The following SLC39A11 variants were observed in gnomAD, a reference collection of about 807,000 sequenced individuals.
SLC39A11 encodes the protein zinc transporter ZIP11.
In SLC39A11, 33 loss-of-function variants were observed where a neutral mutation model predicts 36.1. That is an observed-to-expected ratio of 0.91 (90% CI 0.69 to 1.22). SLC39A11 has a LOEUF of 1.22. Among genes scored for constraint, SLC39A11 ranks in the 50% most tolerant of loss-of-function variants. SLC39A11 has a pLI of 0.00. For missense variants in SLC39A11, 432 were observed against 430.3 expected, an observed-to-expected ratio of 1.00 and a Z score of -0.03; for synonymous variants, 166 against 170.3, an observed-to-expected ratio of 0.97 and a Z score of 0.20.
intron 4 of SLC39A11, among the ~76,000 whole-genome samples, chr17:73,027,940 T>G (rs2148650066): frequency 6.6e-6 from 1 of 152,124 alleles, no homozygotes; most frequent in African/African-American, 2.4e-5. Context: ...CCCAACAAAC[T>G]CCAAGCAGAC....
intron 5 of SLC39A11, among the ~76,000 whole-genome samples, chr17:72,943,028 A>G (rs1423268723): frequency 3.9e-5 from 6 of 152,158 alleles, no homozygotes; most frequent in African/African-American, 1.4e-4. Context: ...CACCTAAGGG[A>G]GGATGTTTAA....
intron 5 of SLC39A11, among the ~76,000 whole-genome samples, chr17:72,856,566 C>A (rs1466131017): frequency 2.0e-5 from 3 of 152,116 alleles, no homozygotes; most frequent in Non-Finnish European, 2.9e-5. Flanking sequence ...TTTTGAGATT[C>A]CTCAAGACAT....
At chr17:72,811,202 A>G (rs962679673) in intron 6 of SLC39A11, among the ~76,000 whole-genome samples, 48 of 152,166 alleles carry the variant, frequency 3.2e-4, no homozygotes, top group Non-Finnish European at 5.7e-4. Flanking sequence ...ATTGTCTGGG[A>G]GGGTGCATTT....
chr17:72,773,940 G>A (rs1250548755), intron 6 of SLC39A11, among the ~76,000 whole-genome samples: 1 of 152,172 alleles, frequency 6.6e-6, no homozygotes, highest in African/African-American at 2.4e-5. Context: ...AGCCTGGACT[G>A]GGAAGCATCT....
At chr17:73,041,664 C>T (rs910085379) in intron 3 of SLC39A11, among the ~76,000 whole-genome samples, 1 of 152,322 alleles carries the variant, frequency 6.6e-6, no homozygotes, top group South Asian at 2.1e-4. Flanking sequence ...AAATCCAATG[C>T]GAGTAAAGAA....
At chr17:72,861,650 C>A (rs2079994989) in intron 5 of SLC39A11, among the ~76,000 whole-genome samples, 1 of 51,566 alleles carries the variant, frequency 1.9e-5, no homozygotes, top group South Asian at 7.9e-4. Flanking sequence ...CATCTATATA[C>A]AACACATTAT....
At chr17:72,994,586 T>C (rs1368900926) in intron 4 of SLC39A11, among the ~76,000 whole-genome samples, 1 of 152,232 alleles carries the variant, frequency 6.6e-6, no homozygotes, top group African/African-American at 2.4e-5. Flanking sequence ...TAAAGTTTTT[T>C]ACGTGTATCA....
In SLC39A11 at chr17:72,947,755, T is replaced by C; in HGVS notation, c.427A>G (p.Ile143Val). Reference sequence around the variant, plus strand: ...CCTGAAAGAAGCCCAGCTCTACCTATCCGGATGGAAAGTTCACTCTCAGGG... The same window carrying C: ...CCTGAAAGAAGCCCAGCTCTACCTACCCGGATGGAAAGTTCACTCTCAGGG... ...LFPESELSIR[I>V]DKSENGEAYQ... The change falls in exon 5 of 10, where the codon ATA becomes GTA. Residue 143 changes from isoleucine to valine, a missense_variant. Ile to Val is a conservative substitution (Grantham distance 29). Transcript: ENST00000255559. The C allele has an allele frequency of 6.2e-7, 1 of 1,613,976 alleles. No homozygotes were observed. Among genetic ancestry groups the C allele is most frequent in the Non-Finnish European group, 8.5e-7 (1 of 1,180,028 alleles).
intron 3 of SLC39A11, among the ~76,000 whole-genome samples, chr17:73,057,223 C>T (rs1435438893): frequency 1.3e-5 from 2 of 152,206 alleles, no homozygotes; most frequent in African/African-American, 4.8e-5. Flanking sequence ...GCCTTGTCCT[C>T]CCAAAGTGCT....
At chr17:72,723,321 AGT>A (rs10570164) in intron 7 of SLC39A11, among the ~76,000 whole-genome samples, 98,643 of 148,362 alleles carry the variant, frequency 0.66, 32,809 homozygotes, top group East Asian at 0.91. Flanking sequence ...GGAGTGTAAG[AGT>A]GTGTGTGTGT....
intron 6 of SLC39A11, among the ~76,000 whole-genome samples, chr17:72,764,055 G>A (rs969904188): frequency 2.6e-5 from 4 of 152,114 alleles, no homozygotes; most frequent in African/African-American, 9.7e-5. Context: ...TCTAGTGCCT[G>A]ATTTCCTGTG....
At chr17:72,997,584 T>G (rs1200508104) in intron 4 of SLC39A11, among the ~76,000 whole-genome samples, 1 of 152,206 alleles carries the variant, frequency 6.6e-6, no homozygotes, top group Non-Finnish European at 1.5e-5. Context: ...TGGTTTTGCT[T>G]TCCACATTCC....
chr17:72,924,655 G>A (rs1317176236), intron 5 of SLC39A11, among the ~76,000 whole-genome samples: 8 of 152,054 alleles, frequency 5.3e-5, no homozygotes, highest in African/African-American at 1.9e-4. Flanking sequence ...TACTTTTTCA[G>A]GTGTGTCCGA....
At chr17:72,651,579 G>A (rs1274236126) in intron 7 of SLC39A11, among the ~76,000 whole-genome samples, 1 of 152,180 alleles carries the variant, frequency 6.6e-6, no homozygotes, top group Non-Finnish European at 1.5e-5. Context: ...TGGCAGGGAT[G>A]GTCCCCCTAG....
At chr17:72,911,546 G>A (rs908318757) in intron 5 of SLC39A11, among the ~76,000 whole-genome samples, 1 of 151,934 alleles carries the variant, frequency 6.6e-6, no homozygotes, top group African/African-American at 2.4e-5. Context: ...CCCTTTTCCT[G>A]TCAGCCTCCT....
chr17:72,904,752 GT>G (rs949144926), intron 5 of SLC39A11, among the ~76,000 whole-genome samples: 1 of 152,206 alleles, frequency 6.6e-6, no homozygotes, highest in African/African-American at 2.4e-5. Flanking sequence ...GAAAAGCCTT[GT>G]GATATAAGTG....
chr17:72,932,310 A>ATTATTATTATTATTATTATTATTAT (rs199790501), intron 5 of SLC39A11, among the ~76,000 whole-genome samples: 6 of 144,740 alleles, frequency 4.1e-5, no homozygotes, highest in African/African-American at 1.2e-4. Flanking sequence ...TATTATTATT[A>ATTATTATTATTATTATTATTATTAT]TACTTTAAGT....
chr17:72,967,499 C>T (rs2087101009), intron 4 of SLC39A11, among the ~76,000 whole-genome samples: 1 of 151,880 alleles, frequency 6.6e-6, no homozygotes, highest in South Asian at 2.1e-4. Flanking sequence ...AGTGCCCGCC[C>T]AGGAAGCAGG....
chr17:72,894,759 A>G lies in SLC39A11; in HGVS notation c.431-44955T>C, dbSNP rs372852326. Among the ~76,000 whole-genome samples, 112 of 152,274 alleles carry G rather than the reference A, an allele frequency of 7.4e-4. 4 individuals carry two copies. In the South Asian group the frequency reaches 0.023, roughly 31 times the overall value. On this transcript the variant is annotated intron_variant, in intron 5 of 9. Transcript: ENST00000255559. ...CAGAAACGTTTCAGAGAGGGGAATAATTAATCTAAGTATTGAATAAGACCT... is the reference window on the plus strand; with the variant it reads ...CAGAAACGTTTCAGAGAGGGGAATAGTTAATCTAAGTATTGAATAAGACCT...
Sources: allele counts gnomAD v4.1 joint callset (sites outside exome capture counted in the v4.1 genomes callset), GRCh38; gene constraint gnomAD v4.1.1; transcripts MANE v1.5; gene names NCBI Gene and HGNC (gene_info 2026-07-23, HGNC 2026-07-21).